ACADM: variants seen among roughly 807,000 people sequenced by gnomAD.
ACADM encodes acyl-CoA dehydrogenase medium chain, also known as medium-chain specific acyl-CoA dehydrogenase, mitochondrial.
Under a neutral mutation model 58.9 loss-of-function variants are expected in ACADM, and 49 were observed. That is an observed-to-expected ratio of 0.83 (90% CI 0.66 to 1.06). The LOEUF is 1.06. ACADM is among the 50% of genes least tolerant of loss of function. The pLI is 0.00. For synonymous variants in ACADM, 160 were observed against 157.7 expected, an observed-to-expected ratio of 1.01 and a Z score of -0.11; for missense variants, 496 against 507.0, an observed-to-expected ratio of 0.98 and a Z score of 0.21.
chr1:75,730,255 TTCTC>T (rs1647127368), intron 2 of ACADM, among the ~76,000 whole-genome samples: 1 of 152,112 alleles, frequency 6.6e-6, no homozygotes, highest in Non-Finnish European at 1.5e-5. Context: ...CACTTTAAAT[TTCTC>T]TCTCAGTAGT....
rs543598487 is a variant in ACADM, at chr1:75,744,575, A to G, written c.600-1231A>G. The G allele has an allele frequency of 3.9e-4, 533 of 1,378,756 alleles. 1 individual carries two copies. The highest frequency in any genetic ancestry group is 4.3e-4 in the Non-Finnish European group (416 of 967,296). The allele number at this position is 1,378,756 out of a possible 1,614,324, so 85.4% of individuals were successfully genotyped here. ...GGGGTTTTGACTGTAACCAAGTCATACTTGCATACAGTTGTAGTTCTGAAG... is the reference window on the plus strand; with the variant it reads ...GGGGTTTTGACTGTAACCAAGTCATGCTTGCATACAGTTGTAGTTCTGAAG... On this transcript the variant is annotated intron_variant, in intron 7 of 11. Coordinates refer to ENST00000370841, the MANE Select transcript of ACADM (RefSeq NM_000016.6).
intron 8 of ACADM, among the ~76,000 whole-genome samples, chr1:75,749,083 G>C (rs1274990503): frequency 6.6e-6 from 1 of 152,156 alleles, no homozygotes; most frequent in Non-Finnish European, 1.5e-5. Flanking sequence ...CTTTAGACTA[G>C]TGTTGGTTTC....
intron 7 of ACADM, chr1:75,744,134 G>T: frequency 1.3e-6 from 2 of 1,580,198 alleles, no homozygotes. Flanking sequence ...ACCTTTGCCA[G>T]CTCCTGGCTC....
chr1:75,761,295 G>C lies in ACADM; in HGVS notation c.1119G>C (p.Val373=), dbSNP rs1257386928. 1 of 1,613,916 alleles carries C rather than the reference G, an allele frequency of 6.2e-7. No homozygotes were observed. The highest frequency in any genetic ancestry group is 8.5e-7 in the Non-Finnish European group (1 of 1,179,918). Residue 373 remains valine, a synonymous_variant, in exon 11 of 12, where the codon GTG becomes GTC. Transcript: ENST00000370841. ...CAAATCAGTTAGCTACTGATGCTGT[G>C]CAGATACTTGGAGGCAATGGATTTA... is the stretch of plus-strand genomic sequence containing the variant. ...DIANQLATDA[V]QILGGNGFNT...
intron 10 of ACADM, among the ~76,000 whole-genome samples, chr1:75,757,170 A>T (rs1648554614): frequency 1.3e-5 from 2 of 152,220 alleles, no homozygotes; most frequent in African/African-American, 4.8e-5. Context: ...TGTCTAAAAC[A>T]CCAGAAGCAA....
chr1:75,724,909 G>C (rs1647024006), intron 1 of ACADM, 92 bp downstream of exon 1: 2 of 1,286,016 alleles, frequency 1.6e-6, no homozygotes, highest in Non-Finnish European at 1.0e-6. Flanking sequence ...GTGCGGCCGG[G>C]AGGAGTGGGA....
chr1:75,758,785 C>G (rs1255362535), intron 10 of ACADM, among the ~76,000 whole-genome samples: 1 of 152,154 alleles, frequency 6.6e-6, no homozygotes, highest in Non-Finnish European at 1.5e-5. Context: ...TGTAAATGCA[C>G]CAGTCAGCAC....
rs547768210 is a variant in ACADM at position 75,756,179 on chromosome 1, A to G, written c.946-4943A>G. Among the ~76,000 whole-genome samples the G allele has an allele frequency of 2.4e-3, 358 of 152,064 alleles. 4 individuals are homozygous for G. The highest frequency in any genetic ancestry group is 8.3e-3 in the African/African-American group (345 of 41,448). Reference sequence around the variant, plus strand: ...CAAGACAGGGATACCTTCTCTCACCACTCCTCTTCAACATAGTGTTGGAAG... The same window carrying G: ...CAAGACAGGGATACCTTCTCTCACCGCTCCTCTTCAACATAGTGTTGGAAG... On this transcript the variant is annotated intron_variant, in intron 10 of 11. Coordinates refer to ENST00000370841, the MANE Select transcript of ACADM (RefSeq NM_000016.6).
chr1:75,737,313 T>C (rs1287567472), intron 6 of ACADM, among the ~76,000 whole-genome samples: 1 of 110,368 alleles, frequency 9.1e-6, no homozygotes, highest in African/African-American at 3.3e-5. Context: ...TATATATATA[T>C]ATATATATAT....
chr1:75,753,720 A>T (rs1451408835), intron 10 of ACADM, among the ~76,000 whole-genome samples: 1 of 151,218 alleles, frequency 6.6e-6, no homozygotes, highest in Non-Finnish European at 1.5e-5. Flanking sequence ...GCTTAACTCA[A>T]AATAGTCTTT....
intron 5 of ACADM, 82 bp downstream of exon 5, chr1:75,733,710 G>GAAA: frequency 8.8e-7 from 1 of 1,133,188 alleles, no homozygotes; most frequent in Non-Finnish European, 1.3e-6. Flanking sequence ...ATTTTTAGAA[G>GAAA]AAAAAAAAAG....
chr1:75,759,833 G>A (rs1434114790), intron 10 of ACADM, among the ~76,000 whole-genome samples: 2 of 151,558 alleles, frequency 1.3e-5, no homozygotes, highest in African/African-American at 2.4e-5. Context: ...GGCTAATTTT[G>A]TATTTTTAGT....
chr1:75,738,807 C>A (rs1461805985), intron 6 of ACADM, among the ~76,000 whole-genome samples: 1 of 152,006 alleles, frequency 6.6e-6, no homozygotes, highest in African/African-American at 2.4e-5. Context: ...TCTTTAGTAT[C>A]CACAGTACCG....
At chr1:75,753,637 T>A (rs947540110) in intron 10 of ACADM, among the ~76,000 whole-genome samples, 3 of 151,884 alleles carry the variant, frequency 2.0e-5, no homozygotes, top group Non-Finnish European at 2.9e-5. Context: ...CTTCTCCTTT[T>A]ATGTTCTCTT....
chr1:75,724,775 A>G lies in ACADM; in HGVS notation c.-13A>G. 1.3e-6 allele frequency: 2 copies of G among 1,524,766 alleles called. No individual in the cohort carries two copies. Among genetic ancestry groups the G allele is most frequent in the Admixed American group, 2.1e-5 (1 of 48,444 alleles). The allele number at this position is 1,524,766 out of a possible 1,614,324, so 94.5% of individuals were successfully genotyped here. ...CGTGTATTATTGTCCGAGTGGCCGG[A>G]ACGGGAGCCAACATGGCAGCGGGGT... On this transcript the variant is annotated 5_prime_UTR_variant, in exon 1 of 12. Coordinates refer to ENST00000370841, the MANE Select transcript of ACADM (RefSeq NM_000016.6).
rs146021267 is a variant in ACADM at position 75,747,342 on chromosome 1, A to G, written c.708+1428A>G. On this transcript the variant is annotated intron_variant, in intron 8 of 11. Coordinates refer to ENST00000370841, the MANE Select transcript of ACADM (RefSeq NM_000016.6). ...GCATACTATATACAGTATTCTATCT[A>G]TTAGGGATACAGTATGGATCAAAAT... is the stretch of plus-strand genomic sequence containing the variant. Among the ~76,000 whole-genome samples the G allele has an allele frequency of 7.0e-3, 1,069 of 152,304 alleles. 17 individuals carry two copies. The highest frequency in any genetic ancestry group is 0.035 in the Admixed American group (535 of 15,294).
At chr1:75,733,867 C>G (rs1647193194) in intron 5 of ACADM, among the ~76,000 whole-genome samples, 1 of 152,130 alleles carries the variant, frequency 6.6e-6, no homozygotes, top group African/African-American at 2.4e-5. Flanking sequence ...TCTGACTGTC[C>G]TTTGGAGGAA....
chr1:75,730,421 T>C (rs1647129194), intron 2 of ACADM, among the ~76,000 whole-genome samples: 2 of 152,144 alleles, frequency 1.3e-5, no homozygotes, highest in South Asian at 4.1e-4. Flanking sequence ...GGAAATAATA[T>C]CTATAACACA....
chr1:75,736,054 T>C (rs543928119), intron 6 of ACADM, among the ~76,000 whole-genome samples: 1 of 152,266 alleles, frequency 6.6e-6, no homozygotes, highest in East Asian at 1.9e-4. Context: ...TAGCAACTTA[T>C]TTGTTGAATG....
Sources: allele counts gnomAD v4.1 joint callset (sites outside exome capture counted in the v4.1 genomes callset), GRCh38; gene constraint gnomAD v4.1.1; transcripts MANE v1.5; gene names NCBI Gene and HGNC (gene_info 2026-07-23, HGNC 2026-07-21).